CSMD1: variants seen among roughly 807,000 people sequenced by gnomAD.
CSMD1 encodes CUB and Sushi multiple domains 1.
Under a neutral mutation model 417.5 loss-of-function variants are expected in CSMD1, and 213 were observed. The ratio of observed to expected loss-of-function variants is 0.51; its 90% CI spans 0.46 to 0.57. CSMD1 has a LOEUF of 0.57. Among genes scored for constraint, CSMD1 ranks in the 20% least tolerant of loss-of-function variants. The pLI is 0.00. For missense variants in CSMD1, 6,923 were observed against 4,529.7 expected (o/e 1.53, Z -15.17); for synonymous variants, 2,862 against 1,736.8 (o/e 1.65, Z -16.11).
chr8:3,900,635 C>T (rs1437811539), intron 5 of CSMD1, among the ~76,000 whole-genome samples: 1 of 151,690 alleles, frequency 6.6e-6, no homozygotes, highest in East Asian at 1.9e-4. Flanking sequence ...GGTAACAGTG[C>T]AGCTAGATGA....
intron 10 of CSMD1, among the ~76,000 whole-genome samples, chr8:3,545,010 G>A (rs79624279): frequency 0.012 from 1,838 of 151,996 alleles, 42 homozygotes; most frequent in African/African-American, 0.042. Context: ...TTTCTCTCAG[G>A]GAAATTTATC....
intron 23 of CSMD1, among the ~76,000 whole-genome samples, chr8:3,334,749 T>C (rs937522178): frequency 3.9e-5 from 6 of 152,222 alleles, no homozygotes; most frequent in African/African-American, 1.2e-4. Flanking sequence ...TTCTTTTTTA[T>C]TTCACATTGA....
At chr8:3,746,411 C>T (rs942802074) in intron 6 of CSMD1, among the ~76,000 whole-genome samples, 1 of 152,168 alleles carries the variant, frequency 6.6e-6, no homozygotes, top group Non-Finnish European at 1.5e-5. Flanking sequence ...CCAATGTCAA[C>T]CACATTTCAA....
At chr8:2,992,198 TACATACACACATGCAC>T (rs1563213956) in intron 54 of CSMD1, among the ~76,000 whole-genome samples, 2 of 89,520 alleles carry the variant, frequency 2.2e-5, no homozygotes, top group African/African-American at 2.4e-4. Context: ...CATGCACACA[TACATACACACATGCAC>T]ACACACATGC....
rs201667296 is a variant in CSMD1 at position 3,983,135 on chromosome 8, C to CTTTTTTTT, written c.818+14760_818+14767dup. On this transcript the variant is annotated intron_variant, in intron 5 of 69. Coordinates refer to ENST00000635120, the MANE Select transcript of CSMD1 (RefSeq NM_033225.6). Reference sequence around the variant, plus strand: ...TATGCATCCTCCCACATCTTTCTTTCTTTTTTTTTTTTTGAGACGGACTCT... The same window carrying CTTTTTTTT: ...TATGCATCCTCCCACATCTTTCTTTCTTTTTTTTTTTTTTTTTTTTTGAGACGGACTCT... Among the ~76,000 whole-genome samples the CTTTTTTTT allele has an allele frequency of 2.5e-3, 333 of 133,486 alleles. 9 individuals are homozygous for CTTTTTTTT. Among genetic ancestry groups the CTTTTTTTT allele is most frequent in the African/African-American group, 7.2e-3 (248 of 34,508 alleles). 87.6% of individuals were successfully genotyped at this position (133,486 alleles called of 152,430 possible). A position where few individuals can be genotyped will look rare whatever the true frequency, so the allele number is the denominator to read the frequency against.
chr8:3,713,703 A>T (rs1269611298), intron 6 of CSMD1, among the ~76,000 whole-genome samples: 1 of 152,240 alleles, frequency 6.6e-6, no homozygotes, highest in East Asian at 1.9e-4. Context: ...AATAAAATGC[A>T]AAATTCTTTC....
intron 5 of CSMD1, among the ~76,000 whole-genome samples, chr8:3,935,499 GT>G (rs1810428845): frequency 1.3e-5 from 2 of 152,104 alleles, no homozygotes; most frequent in African/African-American, 4.8e-5. Context: ...GCATCTACTC[GT>G]TTTTGGTGTC....
intron 49 of CSMD1, among the ~76,000 whole-genome samples, chr8:3,076,797 C>T (rs898440650): frequency 2.6e-5 from 4 of 152,110 alleles, no homozygotes; most frequent in Non-Finnish European, 5.9e-5. Context: ...GCTGGGGATT[C>T]GAAGGTACAG....
At chr8:3,353,004 G>C (rs1281270217) in intron 21 of CSMD1, among the ~76,000 whole-genome samples, 2 of 152,162 alleles carry the variant, frequency 1.3e-5, no homozygotes, top group Non-Finnish European at 2.9e-5. Context: ...ACATGCTCAA[G>C]ATCACACAGG....
intron 10 of CSMD1, among the ~76,000 whole-genome samples, chr8:3,500,093 TC>T (rs1292315063): frequency 3.3e-5 from 5 of 151,824 alleles, no homozygotes; most frequent in Non-Finnish European, 7.4e-5. Context: ...CAATCGGGAG[TC>T]CTTTTTTGGC....
chr8:2,956,087 A>G (rs183354905), intron 63 of CSMD1, among the ~76,000 whole-genome samples: 10 of 152,188 alleles, frequency 6.6e-5, no homozygotes, highest in African/African-American at 2.2e-4. Flanking sequence ...TTTAGAGATC[A>G]CAGCTTTGAA....
At chr8:4,112,907 G>C (rs953446030) in intron 3 of CSMD1, among the ~76,000 whole-genome samples, 3 of 152,146 alleles carry the variant, frequency 2.0e-5, no homozygotes, top group Non-Finnish European at 4.4e-5. Context: ...GTCTATTGGA[G>C]CCATTTCTCC....
Position 3,183,573 on chromosome 8 carries a change from C to T in CSMD1, c.5621-2359G>A, listed in dbSNP as rs571270144. On this transcript the variant is annotated intron_variant, in intron 36 of 69. Transcript: ENST00000635120. Reference sequence around the variant, plus strand: ...TGAAACATCGAGTAGGTCTCTAACGCCTAATCTATCTATCCCTGAAATATC... The same window carrying T: ...TGAAACATCGAGTAGGTCTCTAACGTCTAATCTATCTATCCCTGAAATATC... Among the ~76,000 whole-genome samples, 3 of 138,878 alleles carry T rather than the reference C, an allele frequency of 2.2e-5. No homozygotes were observed. In the South Asian group the frequency reaches 7.3e-4, roughly 34 times the overall value. The allele number at this position is 138,878 out of a possible 152,430, so 91.1% of individuals were successfully genotyped here. A position where few individuals can be genotyped will look rare whatever the true frequency, so the allele number is the denominator to read the frequency against.
At chr8:4,448,189 T>A (rs975029588) in intron 2 of CSMD1, among the ~76,000 whole-genome samples, 3 of 152,216 alleles carry the variant, frequency 2.0e-5, no homozygotes, top group Non-Finnish European at 1.5e-5. Flanking sequence ...ATGTCTATTT[T>A]TAAAAGTTTT....
intron 3 of CSMD1, among the ~76,000 whole-genome samples, chr8:4,297,650 G>C (rs1326626134): frequency 6.6e-6 from 1 of 152,148 alleles, no homozygotes; most frequent in South Asian, 2.1e-4. Context: ...TTCACACTAG[G>C]GTTTGGATTT....
chr8:4,465,538 ACT>A (rs1419616975), intron 2 of CSMD1, among the ~76,000 whole-genome samples: 1 of 152,082 alleles, frequency 6.6e-6, no homozygotes, highest in Non-Finnish European at 1.5e-5. Flanking sequence ...ATACAACTCC[ACT>A]CTCAGAATGG....
Position 4,407,917 on chromosome 8 carries a change from G to A in CSMD1, c.415+12036C>T, listed in dbSNP as rs1796414291. Among the ~76,000 whole-genome samples the A allele has an allele frequency of 2.6e-5, 4 of 152,120 alleles. No homozygotes were observed. In the South Asian group the frequency reaches 6.2e-4, roughly 24 times the overall value. On this transcript the variant is annotated intron_variant, in intron 3 of 69. Coordinates refer to ENST00000635120, the MANE Select transcript of CSMD1 (RefSeq NM_033225.6). ...TGGATAACACATCCAAAGCTGAAAC[G>A]TGTTCAGCATCTTATTCCTGCACAA...
At chr8:3,377,182 T>C (rs543382551) in intron 18 of CSMD1, among the ~76,000 whole-genome samples, 1 of 152,074 alleles carries the variant, frequency 6.6e-6, no homozygotes, top group South Asian at 2.1e-4. Flanking sequence ...CTAATTTTTG[T>C]GTTTTTTTGT....
At chr8:4,209,816 T>C (rs1412640606) in intron 3 of CSMD1, among the ~76,000 whole-genome samples, 1 of 152,222 alleles carries the variant, frequency 6.6e-6, no homozygotes, top group Non-Finnish European at 1.5e-5. Flanking sequence ...CTCATATTTA[T>C]ATCCACTTTC....
Sources: allele counts gnomAD v4.1 joint callset (sites outside exome capture counted in the v4.1 genomes callset), GRCh38; gene constraint gnomAD v4.1.1; transcripts MANE v1.5; gene names NCBI Gene and HGNC (gene_info 2026-07-23, HGNC 2026-07-21).